The following CHSY1 variants were observed in gnomAD, a reference collection of about 807,000 sequenced individuals.
CHSY1 encodes chondroitin sulfate synthase 1.
In CHSY1, 13 loss-of-function variants were observed where a neutral mutation model predicts 59.8. The observed-to-expected ratio is 0.22, with a 90% CI of 0.14 to 0.35. The LOEUF (loss-of-function observed/expected upper bound fraction) is 0.35, where lower values mean the gene tolerates loss of function less well. Ranked by LOEUF, CHSY1 falls within the 10% of genes least tolerant of loss-of-function variation. The pLI is 1.00. For synonymous variants in CHSY1, 459 were observed against 401.2 expected, an observed-to-expected ratio of 1.14 and a Z score of -1.72; for missense variants, 947 against 1,030.6, an observed-to-expected ratio of 0.92 and a Z score of 1.11.
intron 2 of CHSY1, among the ~76,000 whole-genome samples, chr15:101,199,845 C>T (rs375129061): frequency 6.6e-6 from 1 of 152,176 alleles, no homozygotes. Flanking sequence ...TAAAAACAGA[C>T]ATAGCACTCC....
intron 2 of CHSY1, among the ~76,000 whole-genome samples, chr15:101,194,946 T>C (rs2038488764): frequency 6.6e-6 from 1 of 152,186 alleles, no homozygotes; most frequent in South Asian, 2.1e-4. Context: ...TTCCACAACA[T>C]ATGTCTTATA....
chr15:101,202,881 G>A (rs2038588096), intron 2 of CHSY1, among the ~76,000 whole-genome samples: 1 of 152,192 alleles, frequency 6.6e-6, no homozygotes. Flanking sequence ...TCATGAACCA[G>A]CTATAATTTG....
In CHSY1 at chr15:101,242,249, T is replaced by C. The variant is rs1452868738; in HGVS notation, c.321-6672A>G. Among the ~76,000 whole-genome samples, 6 of 152,122 alleles carry C rather than the reference T, an allele frequency of 3.9e-5. No individual in the cohort carries two copies. In the South Asian group the frequency reaches 1.2e-3, roughly 32 times the overall value. Reference sequence around the variant, plus strand: ...AAGAAAAGTAAGAGTAGGAAACCCTTACGCAAGGAACGAAAGGCAAATCCT... The same window carrying C: ...AAGAAAAGTAAGAGTAGGAAACCCTCACGCAAGGAACGAAAGGCAAATCCT... On this transcript the variant is annotated intron_variant, in intron 1 of 2. Transcript: ENST00000254190.
chr15:101,180,326 C>T (rs963283935), intron 2 of CHSY1, among the ~76,000 whole-genome samples: 1 of 152,208 alleles, frequency 6.6e-6, no homozygotes, highest in Non-Finnish European at 1.5e-5. Flanking sequence ...AGCAGAATTA[C>T]AGGTCCTCCA....
chr15:101,235,652 A>C, intron 1 of CHSY1, 75 bp from the exon 2 acceptor site: 7 of 1,490,178 alleles, frequency 4.7e-6, no homozygotes, highest in Non-Finnish European at 6.5e-6. Context: ...TTATCTGCTC[A>C]TCTTGTATCG....
intron 2 of CHSY1, among the ~76,000 whole-genome samples, chr15:101,228,023 A>G (rs887678145): frequency 2.0e-5 from 3 of 152,230 alleles, no homozygotes; most frequent in African/African-American, 7.2e-5. Context: ...TCAAAGAAAC[A>G]AGAAAGTATG....
chr15:101,243,874 C>T (rs917737585), intron 1 of CHSY1, among the ~76,000 whole-genome samples: 19 of 152,194 alleles, frequency 1.2e-4, no homozygotes, highest in African/African-American at 4.6e-4. Flanking sequence ...CCTGCAGACA[C>T]TGCCATCAGT....
intron 2 of CHSY1, among the ~76,000 whole-genome samples, chr15:101,187,054 C>T (rs1194787097): frequency 6.6e-6 from 1 of 152,220 alleles, no homozygotes; most frequent in Non-Finnish European, 1.5e-5. Context: ...AGGGCAATAA[C>T]ACGTCCCTAT....
At chr15:101,180,239 G>A (rs940989242) in intron 2 of CHSY1, among the ~76,000 whole-genome samples, 29 of 152,196 alleles carry the variant, frequency 1.9e-4, no homozygotes, top group Non-Finnish European at 1.9e-4. Context: ...GCCAGGCCCC[G>A]CACAGAGCTG....
Position 101,178,129 on chromosome 15 carries a change from C to T in CHSY1, c.1668G>A (p.Lys556=). ...MFVRFMGNFE[K]TCLIPNQNVK... ...CGTTCTGATTGGGGATAAGACACGTCTTCTCAAAGTTTCCCATAAATCTCA... is the reference window on the plus strand; with the variant it reads ...CGTTCTGATTGGGGATAAGACACGTTTTCTCAAAGTTTCCCATAAATCTCA... The change falls in exon 3 of 3, where the codon AAG becomes AAA. Residue 556 remains lysine, a synonymous_variant. Coordinates refer to ENST00000254190, the MANE Select transcript of CHSY1 (RefSeq NM_014918.5). 1 of 1,614,204 alleles carries T rather than the reference C, an allele frequency of 6.2e-7. No individual in the cohort carries two copies. The highest frequency in any genetic ancestry group is 8.5e-7 in the Non-Finnish European group (1 of 1,180,016).
intron 1 of CHSY1, among the ~76,000 whole-genome samples, chr15:101,241,693 A>T (rs562153812): frequency 1.3e-5 from 2 of 152,384 alleles, no homozygotes; most frequent in East Asian, 3.9e-4. Context: ...AATCACTATT[A>T]CATGTGCTGT....
chr15:101,232,921 G>A (rs767618702), intron 2 of CHSY1, among the ~76,000 whole-genome samples: 4 of 152,168 alleles, frequency 2.6e-5, no homozygotes, highest in Non-Finnish European at 4.4e-5. Flanking sequence ...TTAAAGAAAC[G>A]CAGAGCAGCA....
At position 101,176,292 on chromosome 15, in the gene CHSY1, A is replaced by G. The variant is rs1359166625; in HGVS notation, c.*1096T>C. 1.5e-5 allele frequency: 6 copies of G among 398,438 alleles called. No homozygotes were observed. The highest frequency in any genetic ancestry group is 2.7e-5 in the Non-Finnish European group (6 of 226,034). The allele number at this position is 398,438 out of a possible 1,614,324, so 24.7% of individuals were successfully genotyped here. A position where few individuals can be genotyped will look rare whatever the true frequency, so the allele number is the denominator to read the frequency against. ...AAACAGTAATGAAAGAATGAAAACCATCTCCACCCACATAACACAGACAGG... is the reference window on the plus strand; with the variant it reads ...AAACAGTAATGAAAGAATGAAAACCGTCTCCACCCACATAACACAGACAGG... On this transcript the variant is annotated 3_prime_UTR_variant, in exon 3 of 3. Transcript: ENST00000254190.
chr15:101,179,066 A>T lies in CHSY1; in HGVS notation c.817-86T>A, dbSNP rs569168467. ...GCTAAAGAAAATGCAAATATTAGAA[A>T]TGTTTCTGAATGGACCACAGCACAC... On this transcript the variant is annotated intron_variant, in intron 2 of 2. Transcript: ENST00000254190. The T allele has an allele frequency of 3.8e-6, 5 of 1,299,192 alleles. No homozygotes were observed. The African/African-American group carries it at 7.2e-5, about 19-fold the overall frequency. 80.5% of individuals were successfully genotyped at this position (1,299,192 alleles called of 1,614,324 possible). A position where few individuals can be genotyped will look rare whatever the true frequency, so the allele number is the denominator to read the frequency against.
intron 2 of CHSY1, among the ~76,000 whole-genome samples, chr15:101,217,359 G>C (rs990546547): frequency 1.3e-4 from 20 of 152,152 alleles, no homozygotes; most frequent in African/African-American, 4.8e-4. Context: ...ATAATTATGT[G>C]TATACACATG....
At position 101,251,047 on chromosome 15, in the gene CHSY1, C is replaced by T. The variant is rs1425347183; in HGVS notation, c.320+90G>A. On this transcript the variant is annotated intron_variant, in intron 1 of 2. Coordinates refer to ENST00000254190, the MANE Select transcript of CHSY1 (RefSeq NM_014918.5). ...GGAAGCCCAAGAAGGGCCTAGGAAGCGGGCGGAGGCGAGAGCCAGGAGAGC... is the reference window on the plus strand; with the variant it reads ...GGAAGCCCAAGAAGGGCCTAGGAAGTGGGCGGAGGCGAGAGCCAGGAGAGC... 5.6e-6 allele frequency: 7 copies of T among 1,253,064 alleles called. No homozygotes were observed. The South Asian group carries it at 6.4e-5, about 12-fold the overall frequency. 77.6% of individuals were successfully genotyped at this position (1,253,064 alleles called of 1,614,324 possible).
At chr15:101,235,654 C>T in intron 1 of CHSY1, 77 bp from the exon 2 acceptor site, 1 of 1,477,450 alleles carries the variant, frequency 6.8e-7, no homozygotes, top group Non-Finnish European at 9.3e-7. Flanking sequence ...ATCTGCTCAT[C>T]TTGTATCGCC....
intron 2 of CHSY1, among the ~76,000 whole-genome samples, chr15:101,230,646 G>A (rs1337587966): frequency 6.6e-6 from 1 of 152,092 alleles, no homozygotes; most frequent in African/African-American, 2.4e-5. Flanking sequence ...TTATGAGACA[G>A]ACTAACAAGG....
chr15:101,241,416 T>G (rs2039000329), intron 1 of CHSY1, among the ~76,000 whole-genome samples: 1 of 152,234 alleles, frequency 6.6e-6, no homozygotes, highest in Admixed American at 6.5e-5. Flanking sequence ...TTTCTAAATT[T>G]TCTAAGTTTT....
Sources: gnomAD v4.1 joint callset for allele counts (sites outside exome capture counted in the v4.1 genomes callset) on GRCh38, gnomAD v4.1.1 for gene constraint, MANE v1.5 for transcripts, NCBI Gene and HGNC (gene_info 2026-07-23, HGNC 2026-07-21) for gene names.